Variants in NSUN6 observed in about 807,000 individuals in gnomAD.
NSUN6 encodes tRNA (cytosine(72)-C(5))-methyltransferase NSUN6.
NSUN6 carries 64 observed loss-of-function variants against 58.0 expected under a neutral mutation model. That is an observed-to-expected ratio of 1.10 (90% confidence interval 0.90 to 1.36). The LOEUF is 1.36. Among genes scored for constraint, NSUN6 ranks in the 40% most tolerant of loss-of-function variants. The probability of loss-of-function intolerance (pLI) is 0.00; values close to 1 mark genes in which losing one functional copy is unlikely to be tolerated. For synonymous variants in NSUN6, 231 were observed against 193.9 expected, an observed-to-expected ratio of 1.19 and a Z score of -1.59; for missense variants, 701 against 550.1, an observed-to-expected ratio of 1.27 and a Z score of -2.74.
chr10:18,569,415 CCCATT>C (rs990360429), intron 8 of NSUN6, among the ~76,000 whole-genome samples: 8 of 135,904 alleles, frequency 5.9e-5, no homozygotes, highest in Admixed American at 5.8e-4. Flanking sequence ...CATTCCATTG[CCCATT>C]CCATTCTCAA....
intron 6 of NSUN6, among the ~76,000 whole-genome samples, chr10:18,603,158 T>C (rs1301827279): frequency 6.6e-6 from 1 of 152,114 alleles, no homozygotes. Context: ...CCAGATGTGG[T>C]TGACTCACGC....
At chr10:18,615,695 T>C (rs750229175) in intron 4 of NSUN6, among the ~76,000 whole-genome samples, 3 of 152,178 alleles carry the variant, frequency 2.0e-5, no homozygotes, top group Non-Finnish European at 4.4e-5. Context: ...ATGAAAGCAA[T>C]TGTTTCTTGA....
chr10:18,614,352 C>A lies in NSUN6; in HGVS notation c.575+108G>T, dbSNP rs372855572. 8.2e-4 allele frequency: 356 copies of A among 433,136 alleles called. 3 individuals carry two copies. Among genetic ancestry groups the A allele is most frequent in the African/African-American group, 6.9e-3 (326 of 47,362 alleles). The allele number at this position is 433,136 out of a possible 1,614,324, so 26.8% of individuals were successfully genotyped here. On this transcript the variant is annotated intron_variant, in intron 5 of 10. Coordinates refer to ENST00000377304, the MANE Select transcript of NSUN6 (RefSeq NM_182543.5). ...AATTTTTTTCCAGTTGGATTTATAC[C>A]AAAAAAAAAAATTTCATATAATGCA...
intron 3 of NSUN6, among the ~76,000 whole-genome samples, chr10:18,636,566 G>A (rs1368143102): frequency 6.6e-6 from 1 of 151,972 alleles, no homozygotes; most frequent in Non-Finnish European, 1.5e-5. Context: ...TTTAACTCCA[G>A]GAACCTCCTC....
intron 3 of NSUN6, among the ~76,000 whole-genome samples, chr10:18,638,947 TA>T (rs35673571): frequency 1.6e-3 from 166 of 107,070 alleles, no homozygotes; most frequent in Admixed American, 1.9e-3. Flanking sequence ...TTGACAATGT[TA>T]AAAAAAAAAA....
chr10:18,573,137 G>A (rs897337689), intron 8 of NSUN6, among the ~76,000 whole-genome samples: 6 of 134,582 alleles, frequency 4.5e-5, no homozygotes, highest in African/African-American at 8.5e-5. Context: ...CGTCCATTCC[G>A]TTCCACTCTC....
chr10:18,601,676 T>C (rs1273168288), intron 6 of NSUN6, among the ~76,000 whole-genome samples: 1 of 152,102 alleles, frequency 6.6e-6, no homozygotes, highest in East Asian at 1.9e-4. Context: ...GCAGTTCTCA[T>C]TTTTTTACTT....
chr10:18,545,727 A>T lies in NSUN6; in HGVS notation c.*206T>A. ...CTCTACTAAATACATAAAAAAAAAA[A>T]ATCTTTTAAAAACAGAAAATATAAT... On this transcript the variant is annotated 3_prime_UTR_variant, in exon 11 of 11. Transcript: ENST00000377304. 1 of 487,730 alleles carries T rather than the reference A, an allele frequency of 2.1e-6. No individual in the cohort carries two copies. Among genetic ancestry groups the T allele is most frequent in the Non-Finnish European group, 3.5e-6 (1 of 283,992 alleles). The allele number at this position is 487,730 out of a possible 1,614,324, so 30.2% of individuals were successfully genotyped here. A position where few individuals can be genotyped will look rare whatever the true frequency, so the allele number is the denominator to read the frequency against.
At chr10:18,638,414 C>G (rs529851745) in intron 3 of NSUN6, among the ~76,000 whole-genome samples, 1 of 152,220 alleles carries the variant, frequency 6.6e-6, no homozygotes, top group African/African-American at 2.4e-5. Flanking sequence ...TGCACTCCAG[C>G]CTGGGCAACA....
Position 18,554,905 on chromosome 10 carries a change from G to C in NSUN6, c.923-2934C>G, listed in dbSNP as rs151159284. ...ATAATGGAGAATGGAATGGAATAGA[G>C]AATGGAAGAAACGGAATGGAATCAA... On this transcript the variant is annotated intron_variant, in intron 8 of 10. Transcript: ENST00000377304. Among the ~76,000 whole-genome samples the C allele has an allele frequency of 6.0e-4, 90 of 150,768 alleles. 1 individual carries two copies. The highest frequency in any genetic ancestry group is 1.2e-3 in the Non-Finnish European group (78 of 67,428).
chr10:18,582,235 T>C (rs1433195162), intron 8 of NSUN6, among the ~76,000 whole-genome samples: 1 of 152,178 alleles, frequency 6.6e-6, no homozygotes, highest in African/African-American at 2.4e-5. Context: ...CAACCAATTA[T>C]TATTTTAGAA....
At chr10:18,613,481 C>T (rs991068159) in intron 5 of NSUN6, among the ~76,000 whole-genome samples, 1 of 151,968 alleles carries the variant, frequency 6.6e-6, no homozygotes, top group African/African-American at 2.4e-5. Context: ...TTATTCAGCA[C>T]GATAACTGGA....
At chr10:18,657,748 G>C (rs1037435879), upstream of NSUN6, among the ~76,000 whole-genome samples, 1 of 152,030 alleles carries the variant, frequency 6.6e-6, no homozygotes, top group Non-Finnish European at 1.5e-5. Flanking sequence ...TGAGTAGCTA[G>C]GATTACAGGC....
At chr10:18,658,680 G>T, upstream of NSUN6, 1 of 982,000 alleles carries the variant, frequency 1.0e-6, no homozygotes, top group Non-Finnish European at 1.2e-6. Flanking sequence ...TCCATGGCTC[G>T]TCTCCCAATC....
rs565833819 is a variant in NSUN6 at position 18,589,184 on chromosome 10, C to A, written c.778-3091G>T. Among the ~76,000 whole-genome samples the A allele has an allele frequency of 3.3e-5, 5 of 152,146 alleles. No individual in the cohort carries two copies. The East Asian group carries it at 7.7e-4, about 24-fold the overall frequency. On this transcript the variant is annotated intron_variant, in intron 7 of 10. Coordinates refer to ENST00000377304, the MANE Select transcript of NSUN6 (RefSeq NM_182543.5). ...AAAGGATATCAGAGACTGAAGATCA[C>A]CTTGCTGAAATAAGGCATAAAGACA...
intron 3 of NSUN6, among the ~76,000 whole-genome samples, chr10:18,630,337 TAAAAG>T (rs1024862186): frequency 2.0e-5 from 3 of 148,904 alleles, no homozygotes; most frequent in Non-Finnish European, 4.5e-5. Context: ...ACATCACAAT[TAAAAG>T]AACTAGAAAA....
chr10:18,605,564 A>G (rs1028183574), intron 6 of NSUN6, among the ~76,000 whole-genome samples: 1 of 152,164 alleles, frequency 6.6e-6, no homozygotes. Context: ...CTCCCCACAG[A>G]CTGGTTATTA....
In NSUN6 at chr10:18,545,787, A is replaced by G; in HGVS notation, c.*146T>C. 1.6e-6 allele frequency: 1 copy of G among 636,934 alleles called. No homozygotes were observed. Among genetic ancestry groups the G allele is most frequent in the South Asian group, 1.9e-5 (1 of 53,108 alleles). The allele number at this position is 636,934 out of a possible 1,614,324, so 39.5% of individuals were successfully genotyped here. ...CCCCCTACTTCCTCTATGTCTCTGGATCCCTGGTAAAACAGCTGGCAGCCT... is the reference window on the plus strand; with the variant it reads ...CCCCCTACTTCCTCTATGTCTCTGGGTCCCTGGTAAAACAGCTGGCAGCCT... On this transcript the variant is annotated 3_prime_UTR_variant, in exon 11 of 11. Transcript: ENST00000377304.
chr10:18,559,301 T>C (rs573049410), intron 8 of NSUN6, among the ~76,000 whole-genome samples: 1 of 144,508 alleles, frequency 6.9e-6, no homozygotes, highest in South Asian at 2.2e-4. Context: ...GAATGGAGAA[T>C]GGAATGAAAT....
Sources: allele counts gnomAD v4.1 joint callset (sites outside exome capture counted in the v4.1 genomes callset), GRCh38; gene constraint gnomAD v4.1.1; transcripts MANE v1.5; gene names NCBI Gene and HGNC (gene_info 2026-07-23, HGNC 2026-07-21).